The following CXADR variants were observed in gnomAD, a reference collection of about 807,000 sequenced individuals.
CXADR encodes CXADR cell adhesion molecule.
Under a neutral mutation model 40.3 loss-of-function variants are expected in CXADR, and 20 were observed. The observed-to-expected ratio is 0.50, with a 90% CI of 0.35 to 0.72. The LOEUF (loss-of-function observed/expected upper bound fraction) is 0.72. Ranked by LOEUF, CXADR falls within the 30% of genes least tolerant of loss-of-function variation. The probability of loss-of-function intolerance (pLI) is 0.01; values close to 1 mark genes in which losing one functional copy is unlikely to be tolerated. For missense variants in CXADR, 332 were observed against 449.1 expected (o/e 0.74, Z 2.36); for synonymous variants, 150 against 161.3 (o/e 0.93, Z 0.53).
rs1319148194 is a variant in CXADR at position 17,523,683 on chromosome 21, TTAAAA to T, written c.43+10515_43+10519del. ...GATAATTATTAAATTAAATTAATTA[TTAAAA>T]TAAGATAATTATTAAAATAATGCAG... is the stretch of plus-strand genomic sequence containing the variant. On this transcript the variant is annotated intron_variant, in intron 1 of 6. Transcript: ENST00000284878. Among the ~76,000 whole-genome samples the T allele has an allele frequency of 1.3e-4, 20 of 151,970 alleles. 1 individual carries two copies. The highest frequency in any genetic ancestry group is 1.3e-3 in the Admixed American group (20 of 15,260).
At chr21:17,603,775 C>T in the CXADR span, among the ~76,000 whole-genome samples, 2 of 152,202 alleles carry the variant, frequency 1.3e-5, no homozygotes, top group African/African-American at 2.4e-5. Flanking sequence ...CATGGCTCAT[C>T]CTTCACCTCC....
At chr21:17,527,154 G>A (rs890347919) in intron 1 of CXADR, 9 of 152,178 alleles carry the variant, frequency 5.9e-5, no homozygotes, top group African/African-American at 1.4e-4. Flanking sequence ...GACTCGTCAA[G>A]TGCAGTAGTA....
At chr21:17,518,623 A>G (rs1413508991) in intron 1 of CXADR, 32 of 1,575,602 alleles carry the variant, frequency 2.0e-5, no homozygotes, top group Non-Finnish European at 2.7e-5. Context: ...TTTACTGTCC[A>G]AGACTTGCCG....
chr21:17,519,038 C>T (rs1205158737), intron 1 of CXADR: 12 of 1,401,046 alleles, frequency 8.6e-6, no homozygotes, highest in African/African-American at 1.4e-5. Context: ...AGCACCAGCA[C>T]GCGGCAAGAG....
downstream of CXADR, among the ~76,000 whole-genome samples, chr21:17,595,629 T>C (rs2061494602): frequency 6.6e-6 from 1 of 152,000 alleles, no homozygotes; most frequent in South Asian, 2.1e-4. Context: ...TAGCAATGAC[T>C]ATAAATTAAA....
downstream of CXADR, among the ~76,000 whole-genome samples, chr21:17,597,389 A>G (rs2061517827): frequency 6.6e-6 from 1 of 152,032 alleles, no homozygotes; most frequent in Non-Finnish European, 1.5e-5. Flanking sequence ...CACACAGAGA[A>G]AAAAAATGCC....
At chr21:17,528,370 G>A (rs776540228) in intron 1 of CXADR, among the ~76,000 whole-genome samples, 1 of 151,392 alleles carries the variant, frequency 6.6e-6, no homozygotes, top group African/African-American at 2.4e-5. Flanking sequence ...CACCGCGCCC[G>A]GCATGCTTAG....
intron 7 of CXADR, among the ~76,000 whole-genome samples, chr21:17,587,974 C>A (rs1361894386): frequency 6.6e-6 from 1 of 152,088 alleles, no homozygotes; most frequent in African/African-American, 2.4e-5. Context: ...TTCCCAGCAC[C>A]ATTTATTAAA....
chr21:17,585,064 C>A (rs1392113092), intron 7 of CXADR, among the ~76,000 whole-genome samples: 1 of 152,002 alleles, frequency 6.6e-6, no homozygotes, highest in Non-Finnish European at 1.5e-5. Context: ...AATTTTGTGG[C>A]TTTACTTATT....
At chr21:17,551,506 G>A (rs1366651251) in intron 2 of CXADR, among the ~76,000 whole-genome samples, 1 of 152,136 alleles carries the variant, frequency 6.6e-6, no homozygotes, top group Non-Finnish European at 1.5e-5. Context: ...TTATCATGTT[G>A]CGTCTTGGTT....
chr21:17,598,927 A>AAG, the CXADR span: 2 of 869,964 alleles, frequency 2.3e-6, no homozygotes, highest in Admixed American at 5.5e-5. Context: ...ATACAAGGCA[A>AAG]AGATTGAATC....
At chr21:17,553,184 G>A (rs211977) in intron 3 of CXADR, among the ~76,000 whole-genome samples, 131,247 of 152,170 alleles carry the variant, frequency 0.86, 57,797 homozygotes, top group Non-Finnish European at 0.96. Context: ...CGGCCACCCA[G>A]AGTGCTGAGA....
intron 1 of CXADR, among the ~76,000 whole-genome samples, chr21:17,529,215 T>C (rs1008374512): frequency 1.3e-5 from 2 of 152,088 alleles, no homozygotes; most frequent in Non-Finnish European, 2.9e-5. Flanking sequence ...ATTTTTGTAG[T>C]AGAGACGTGG....
chr21:17,548,559 G>A (rs1460326953), intron 2 of CXADR, among the ~76,000 whole-genome samples: 2 of 152,260 alleles, frequency 1.3e-5, no homozygotes, highest in East Asian at 1.9e-4. Context: ...GCAGTTCCCC[G>A]TTCCTGTGAC....
chr21:17,554,580 C>T (rs1480867103), intron 3 of CXADR, among the ~76,000 whole-genome samples: 5 of 152,078 alleles, frequency 3.3e-5, no homozygotes, highest in East Asian at 1.9e-4. Flanking sequence ...CTGATCTGGA[C>T]GAGGTTGTGT....
At position 17,568,796 on chromosome 21, in the gene CXADR, C is replaced by T. The variant is rs2061248690; in HGVS notation, c.*3104C>T. 1.0e-6 allele frequency: 1 copy of T among 985,118 alleles called. No individual in the cohort carries two copies. Among genetic ancestry groups the T allele is most frequent in the Non-Finnish European group, 1.2e-6 (1 of 829,916 alleles). 61.0% of individuals were successfully genotyped at this position (985,118 alleles called of 1,614,324 possible). ...TAGAGAGCCTCTCACTCCCCCACCC[C>T]CAAAAATGTCTACTATTCATGACAG... On this transcript the variant is annotated 3_prime_UTR_variant, in exon 7 of 7. Transcript: ENST00000284878.
intron 1 of CXADR, among the ~76,000 whole-genome samples, chr21:17,544,764 A>T (rs555096409): frequency 7.2e-4 from 109 of 152,250 alleles, no homozygotes; most frequent in African/African-American, 2.4e-3. Context: ...CCCAATTTAA[A>T]TTTATTTCAG....
At chr21:17,531,311 A>G (rs887892634) in intron 1 of CXADR, among the ~76,000 whole-genome samples, 4 of 150,516 alleles carry the variant, frequency 2.7e-5, no homozygotes, top group African/African-American at 9.9e-5. Flanking sequence ...AAAAAAAAAA[A>G]GAAAAGAAAA....
intron 1 of CXADR, among the ~76,000 whole-genome samples, chr21:17,529,025 A>C (rs947942406): frequency 2.2e-5 from 3 of 138,470 alleles, no homozygotes; most frequent in Non-Finnish European, 4.6e-5. Context: ...ATTTGACTGG[A>C]CTTTTTGTCT....
Sources: gnomAD v4.1 joint callset for allele counts (sites outside exome capture counted in the v4.1 genomes callset) on GRCh38, gnomAD v4.1.1 for gene constraint, MANE v1.5 for transcripts, NCBI Gene and HGNC (gene_info 2026-07-23, HGNC 2026-07-21) for gene names.